Variants in DNAH1 observed in about 807,000 individuals in gnomAD.
DNAH1 encodes the protein axonemal beta dynein heavy chain 1.
A neutral mutation model predicts 484.3 loss-of-function variants in DNAH1; 327 were observed. That is an observed-to-expected ratio of 0.68 (90% CI 0.62 to 0.74). The LOEUF is 0.74. Ranked by LOEUF, DNAH1 falls within the 30% of genes least tolerant of loss-of-function variation. DNAH1 has a pLI of 0.00. For synonymous variants in DNAH1, 2,192 were observed against 2,191.9 expected (o/e 1.00, Z 0.00); for missense variants, 5,052 against 5,546.8 (o/e 0.91, Z 2.83).
Position 52,370,727 on chromosome 3 carries a change from C to A in DNAH1, c.6427C>A (p.Leu2143Ile). 6.2e-7 allele frequency: 1 copy of A among 1,602,558 alleles called. No homozygotes were observed. Among genetic ancestry groups the A allele is most frequent in the Non-Finnish European group, 8.5e-7 (1 of 1,174,926 alleles). The stretch of plus-strand genomic sequence containing the variant: ...TCCTGGTTCCCGGCAGCTGACTCTG[C>A]TTTTCCCAGAAGAGGGGCTGGTGTT... ...LKMENEQLTL[L>I]FPEEGLVFDY... Residue 2143 changes from leucine to isoleucine, a missense_variant, in exon 41 of 78, where the codon CTT becomes ATT. Around this residue, in one of 4 missense-constraint regions of DNAH1, gnomAD observed 2,929 missense variants for 3,409.4 expected, o/e 0.86. Transcript: ENST00000420323.
At chr3:52,397,224 C>T (rs949962925) in intron 73 of DNAH1, among the ~76,000 whole-genome samples, 180 bp downstream of exon 73, 1 of 152,080 alleles carries the variant, frequency 6.6e-6, no homozygotes, top group African/African-American at 2.4e-5. Context: ...CAGACCCTGC[C>T]CACTGGGGCT....
In DNAH1 at chr3:52,326,887, T is replaced by C; in HGVS notation, c.734T>C (p.Leu245Pro). Residue 245 changes from leucine (L) to proline (P), a missense_variant, in exon 5 of 78, where the codon CTG becomes CCG. Physicochemically the swap from Leu to Pro is moderately conservative, Grantham distance 98. Transcript: ENST00000420323. The stretch of plus-strand genomic sequence containing the variant: ...CCAATCTTCCCCATCTACCTCCCAC[T>C]GAAGGTGAGCCGGGCTTCCACAGAT... ...HDPIFPIYLP[L>P]KVFDNEDFDC... is the part of the protein sequence containing the mutation. 1 of 1,611,838 alleles carries C rather than the reference T, an allele frequency of 6.2e-7. No homozygotes were observed. The highest frequency in any genetic ancestry group is 8.5e-7 in the Non-Finnish European group (1 of 1,178,942).
intron 10 of DNAH1, 85 bp downstream of exon 10, chr3:52,345,791 C>T: frequency 7.1e-7 from 1 of 1,402,922 alleles, no homozygotes; most frequent in Non-Finnish European, 9.8e-7. Flanking sequence ...CAGCGGAAGG[C>T]CAGGGTCAGT....
At position 52,364,159 on chromosome 3, in the gene DNAH1, C is replaced by T. The variant is rs772203976; in HGVS notation, c.5245-479C>T. ...CCATGGGGCAGAATGATTAATTTAA[C>T]TATTTCCAACTCACTTACTGTGTAA... On this transcript the variant is annotated intron_variant, in intron 32 of 77. Transcript: ENST00000420323. This position sits in a 1 kb window ranked among gnomAD's most constrained non-coding sequence, Gnocchi z 4.2. 6.6e-6 allele frequency among the ~76,000 whole-genome samples: 1 copy of T among 152,218 alleles called. No homozygotes were observed. Among genetic ancestry groups the T allele is most frequent in the Non-Finnish European group, 1.5e-5 (1 of 68,052 alleles).
Position 52,371,929 on chromosome 3 carries a change from G to A in DNAH1, c.6526-17G>A, listed in dbSNP as rs773764030. 2 of 1,612,128 alleles carry A rather than the reference G, an allele frequency of 1.2e-6. No individual in the cohort carries two copies. The highest frequency in any genetic ancestry group is 1.1e-5 in the South Asian group (1 of 90,928). On this transcript the variant is annotated splice_polypyrimidine_tract_variant and intron_variant, in intron 41 of 77. Coordinates refer to ENST00000420323, the MANE Select transcript of DNAH1 (RefSeq NM_015512.5). Reference sequence around the variant, plus strand: ...GGAGGGGTTCCAGGCCCACTGCTGAGCCACCTATGATTCCAGGTTGCCTGG... The same window carrying A: ...GGAGGGGTTCCAGGCCCACTGCTGAACCACCTATGATTCCAGGTTGCCTGG...
rs1486953236 is a variant in DNAH1, at chr3:52,381,413, A to G, written c.7609-227A>G. Among the ~76,000 whole-genome samples the G allele has an allele frequency of 2.8e-4, 43 of 152,104 alleles. 1 individual carries two copies. Among genetic ancestry groups the G allele is most frequent in the Admixed American group, 2.8e-3 (43 of 15,284 alleles). ...CAGGCGTGAGCCACCGCGCTAGGCC[A>G]ATCCCTCAGTGTTTTGAGCAACAAT... On this transcript the variant is annotated intron_variant, in intron 48 of 77. Transcript: ENST00000420323. The surrounding 1 kb of genome is among the most constrained non-coding windows in gnomAD (Gnocchi z 4.1).
chr3:52,317,670 C>G (rs1306868683), intron 1 of DNAH1, among the ~76,000 whole-genome samples: 1 of 152,250 alleles, frequency 6.6e-6, no homozygotes, highest in Non-Finnish European at 1.5e-5. Flanking sequence ...GTGACGCTCC[C>G]TGGTCGGCCC....
At chr3:52,348,115 A>G in intron 12 of DNAH1, 141 bp downstream of exon 12, 1 of 836,480 alleles carries the variant, frequency 1.2e-6, no homozygotes, top group South Asian at 1.8e-5. Flanking sequence ...TGTAAATCTC[A>G]AATATCCCAT....
At chr3:52,370,375 A>G (rs999316564) in intron 39 of DNAH1, 102 bp from the exon 40 acceptor site, 67 of 1,570,274 alleles carry the variant, frequency 4.3e-5, no homozygotes, top group Non-Finnish European at 5.5e-5. Context: ...CTGTAGAGAA[A>G]CAAAGCTGTG....
rs746570668 is a variant in DNAH1 at position 52,352,750 on chromosome 3, G to C, written c.3027+43G>C. Reference sequence around the variant, plus strand: ...ACCCTGCCCCCATGCCCCCAGGCTTGAGGAAGCAGCTCATGTAGATGCAGC... The same window carrying C: ...ACCCTGCCCCCATGCCCCCAGGCTTCAGGAAGCAGCTCATGTAGATGCAGC... On this transcript the variant is annotated intron_variant, in intron 18 of 77. Coordinates refer to ENST00000420323, the MANE Select transcript of DNAH1 (RefSeq NM_015512.5). The C allele has an allele frequency of 1.9e-6, 3 of 1,585,224 alleles. No individual in the cohort carries two copies. The African/African-American group carries it at 4.0e-5, about 21-fold the overall frequency.
Position 52,399,011 on chromosome 3 carries a change from A to G in DNAH1, c.12251A>G (p.Lys4084Arg). ...AGTGCCAAGGCCTACCCATCGCTCA[A>G]GCCTCTGTCATCATGGGTCATGGAC... ...LWSAKAYPSLKPLSSWVMDLL... is the reference protein window; with the variant it reads ...LWSAKAYPSLRPLSSWVMDLL... Residue 4084 changes from lysine to arginine, a missense_variant, in exon 76 of 78, where the codon AAG becomes AGG. By Grantham distance (26) the Lys-to-Arg change is conservative (BLOSUM62 2). Around this residue, in one of 4 missense-constraint regions of DNAH1, gnomAD observed 853 missense variants for 899.0 expected, o/e 0.95. Transcript: ENST00000420323. 6.2e-7 allele frequency: 1 copy of G among 1,614,024 alleles called. No individual in the cohort carries two copies. Among genetic ancestry groups the G allele is most frequent in the Admixed American group, 1.7e-5 (1 of 60,024 alleles).
At chr3:52,335,299 C>T (rs1701702223) in intron 8 of DNAH1, among the ~76,000 whole-genome samples, 1 of 145,042 alleles carries the variant, frequency 6.9e-6, no homozygotes, top group South Asian at 2.2e-4. Flanking sequence ...TCGTGATCCA[C>T]CTGCCTCAGC....
chr3:52,330,044 A>G (rs1237233383), intron 6 of DNAH1, among the ~76,000 whole-genome samples: 1 of 152,152 alleles, frequency 6.6e-6, no homozygotes, highest in East Asian at 1.9e-4. Context: ...TCCTGAGCTC[A>G]GGCAATCCGC....
At position 52,389,522 on chromosome 3, in the gene DNAH1, C is replaced by T; in HGVS notation, c.9557C>T (p.Pro3186Leu). The T allele has an allele frequency of 6.3e-7, 1 of 1,591,972 alleles. No homozygotes were observed. The highest frequency in any genetic ancestry group is 8.5e-7 in the Non-Finnish European group (1 of 1,169,596). Reference protein sequence around the residue: ...WVKQLRSHNVPHTSEPTLIGT... With the variant: ...WVKQLRSHNVLHTSEPTLIGT... ...AAGCAGCTCAGGAGCCACAATGTCCCACACACCTCCGAGCCCACGCTAATC... is the reference window on the plus strand; with the variant it reads ...AAGCAGCTCAGGAGCCACAATGTCCTACACACCTCCGAGCCCACGCTAATC... The change falls in exon 60 of 78, where the codon CCA becomes CTA. Residue 3186 changes from proline to leucine, a missense_variant. Around this residue, in one of 4 missense-constraint regions of DNAH1, gnomAD observed 2,929 missense variants for 3,409.4 expected, o/e 0.86. Transcript: ENST00000420323.
Position 52,370,211 on chromosome 3 carries a change from G to C in DNAH1, c.6240G>C (p.Lys2080Asn), listed in dbSNP as rs1302883143. Reference protein sequence around the residue: ...SLLKLLDCFFKPFLPREGLKK... With the variant: ...SLLKLLDCFFNPFLPREGLKK... ...TCAAGCTGCTGGACTGCTTCTTCAA[G>C]CCCTTTCTGCCTAGAGAGGTACAGC... The change falls in exon 39 of 78, where the codon AAG becomes AAC. Residue 2080 changes from lysine (K) to asparagine (N), a missense_variant. Physicochemically the swap from Lys to Asn is moderately conservative, Grantham distance 94. This residue lies in a region of DNAH1 where 2,929 missense variants were observed against 3,409.4 expected (regional missense o/e 0.86). Coordinates refer to ENST00000420323, the MANE Select transcript of DNAH1 (RefSeq NM_015512.5). The C allele has an allele frequency of 1.7e-5, 28 of 1,613,806 alleles. No homozygotes were observed. Among genetic ancestry groups the C allele is most frequent in the African/African-American group, 2.7e-5 (2 of 74,942 alleles).
Position 52,330,886 on chromosome 3 carries a change from C to A in DNAH1, c.872-262C>A, listed in dbSNP as rs1578082068. On this transcript the variant is annotated intron_variant, in intron 6 of 77. Transcript: ENST00000420323. Reference sequence around the variant, plus strand: ...TCCCATTGGCCTGTGTGTCTCTCTGCCCTGGTGGAGGTTGTGCTGAGCACC... The same window carrying A: ...TCCCATTGGCCTGTGTGTCTCTCTGACCTGGTGGAGGTTGTGCTGAGCACC... Among the ~76,000 whole-genome samples, 4 of 152,356 alleles carry A rather than the reference C, an allele frequency of 2.6e-5. No individual in the cohort carries two copies. In the South Asian group the frequency reaches 8.3e-4, roughly 32 times the overall value.
Position 52,361,025 on chromosome 3 carries a change from A to G in DNAH1, c.4686-139A>G, listed in dbSNP as rs1451500907. 9 of 761,344 alleles carry G rather than the reference A, an allele frequency of 1.2e-5. No individual in the cohort carries two copies. Among genetic ancestry groups the G allele is most frequent in the Non-Finnish European group, 1.7e-5 (9 of 534,304 alleles). 47.2% of individuals were successfully genotyped at this position (761,344 alleles called of 1,614,324 possible). On this transcript the variant is annotated intron_variant, in intron 28 of 77. Coordinates refer to ENST00000420323, the MANE Select transcript of DNAH1 (RefSeq NM_015512.5). The surrounding 1 kb of genome is among the most constrained non-coding windows in gnomAD (Gnocchi z 5.6). The stretch of plus-strand genomic sequence containing the variant: ...CAGGTGTCCACAGGCTCCAGTCCTG[A>G]CCCCGGAGCCAGGGCTGGGCACACC...
chr3:52,345,695 A>G lies in DNAH1; in HGVS notation c.1645A>G (p.Thr549Ala). The change falls in exon 10 of 78, where the codon ACC becomes GCC. Residue 549 changes from threonine (T) to alanine (A), a missense_variant. Around this residue, in one of 4 missense-constraint regions of DNAH1, gnomAD observed 1,263 missense variants for 1,218.8 expected, o/e 1.04. Transcript: ENST00000420323. ...GGAATTTGAGCAGATCCAGTCACAG[A>G]CCTTCTCCCAGGTTTGTGGGCATCA... ...LEEFEQIQSQTFSQVQMFLKD... is the reference protein window; with the variant it reads ...LEEFEQIQSQAFSQVQMFLKD... The G allele has an allele frequency of 6.2e-7, 1 of 1,612,450 alleles. No individual in the cohort carries two copies. Among genetic ancestry groups the G allele is most frequent in the Non-Finnish European group, 8.5e-7 (1 of 1,179,262 alleles).
chr3:52,372,888 C>T lies in DNAH1; in HGVS notation c.6828-8C>T. ...TGGGTGCTGGGCTCACACAGCCCCT[C>T]CCCTCAGGCGGAAGGGTGTGTTTGG... On this transcript the variant is annotated splice_region_variant and splice_polypyrimidine_tract_variant and intron_variant, in intron 43 of 77. Transcript: ENST00000420323. 6.2e-7 allele frequency: 1 copy of T among 1,609,326 alleles called. No homozygotes were observed. Among genetic ancestry groups the T allele is most frequent in the Non-Finnish European group, 8.5e-7 (1 of 1,177,012 alleles).
Sources: allele counts gnomAD v4.1 joint callset (sites outside exome capture counted in the v4.1 genomes callset), GRCh38; gene constraint gnomAD v4.1.1; regional missense constraint gnomAD v4.1.1; non-coding constraint Gnocchi (gnomAD v3.1); transcripts MANE v1.5; gene names NCBI Gene and HGNC (gene_info 2026-07-23, HGNC 2026-07-21).